The following PRELID2 variants were observed in gnomAD, a reference collection of about 807,000 sequenced individuals.
The protein encoded by PRELID2 is PRELI domain-containing protein 2.
Under a neutral mutation model 28.4 loss-of-function variants are expected in PRELID2, and 25 were observed. That is an observed-to-expected ratio of 0.88 (90% CI 0.64 to 1.23). The LOEUF is 1.23. Ranked by LOEUF, PRELID2 falls within the 50% of genes most tolerant of loss-of-function variation. The pLI is 0.00. For synonymous variants in PRELID2, 76 were observed against 71.6 expected (o/e 1.06, Z -0.31); for missense variants, 201 against 214.4 (o/e 0.94, Z 0.39).
intron 1 of PRELID2, among the ~76,000 whole-genome samples, chr5:145,654,804 C>A (rs888141361): frequency 6.6e-6 from 1 of 152,064 alleles, no homozygotes; most frequent in East Asian, 1.9e-4. Context: ...ACTGAATGGG[C>A]AAAAACTGGA....
downstream of PRELID2, among the ~76,000 whole-genome samples, chr5:145,469,158 C>A (rs1752029742): frequency 6.6e-6 from 1 of 152,062 alleles, no homozygotes; most frequent in African/African-American, 2.4e-5. Context: ...TCAAGTTCAC[C>A]ATTAACATTA....
At chr5:145,349,695 A>G in the PRELID2 span, among the ~76,000 whole-genome samples, 1 of 152,292 alleles carries the variant, frequency 6.6e-6, no homozygotes, top group East Asian at 1.9e-4. Context: ...AATAGCATAC[A>G]TTAAAGACTA....
chr5:145,268,308 T>C, the PRELID2 span, among the ~76,000 whole-genome samples: 1 of 151,058 alleles, frequency 6.6e-6, no homozygotes, highest in Non-Finnish European at 1.5e-5. Flanking sequence ...TTTGCTTTTA[T>C]TTTTCTATAT....
the PRELID2 span, among the ~76,000 whole-genome samples, chr5:145,448,736 T>A: frequency 2.6e-5 from 4 of 152,162 alleles, no homozygotes; most frequent in East Asian, 7.7e-4. Flanking sequence ...AAATCTGTTA[T>A]CTCATCTGTA....
intron 1 of PRELID2, among the ~76,000 whole-genome samples, chr5:145,481,614 C>A (rs1243141728): frequency 1.3e-4 from 1 of 7,716 alleles, no homozygotes; most frequent in African/African-American, 6.6e-4. Context: ...GATAAGAAAG[C>A]AAGGAAATCA....
chr5:145,808,440 C>T (rs1188806646), intron 4 of PRELID2, among the ~76,000 whole-genome samples: 1 of 152,128 alleles, frequency 6.6e-6, no homozygotes, highest in Admixed American at 6.5e-5. Flanking sequence ...GCAAATTATA[C>T]TATTTGTGAT....
At chr5:145,737,489 A>G (rs1411065876) in intron 1 of PRELID2, among the ~76,000 whole-genome samples, 10 of 152,174 alleles carry the variant, frequency 6.6e-5, no homozygotes, top group Non-Finnish European at 2.9e-5. Flanking sequence ...GAAGCTAGGA[A>G]ACTTGGGACC....
chr5:145,809,337 C>T (rs1270505439), intron 4 of PRELID2, among the ~76,000 whole-genome samples: 1 of 152,232 alleles, frequency 6.6e-6, no homozygotes, highest in African/African-American at 2.4e-5. Flanking sequence ...CCACCGTGCC[C>T]GGCCCCTTCA....
chr5:145,732,265 A>G (rs920804294), intron 1 of PRELID2, among the ~76,000 whole-genome samples: 4 of 152,162 alleles, frequency 2.6e-5, no homozygotes, highest in Non-Finnish European at 5.9e-5. Context: ...TCTCCCATCT[A>G]CTTTATCAGA....
intron 1 of PRELID2, among the ~76,000 whole-genome samples, chr5:145,826,770 C>CGATT (rs1755221648): frequency 2.0e-5 from 3 of 151,904 alleles, no homozygotes; most frequent in Admixed American, 2.0e-4. Context: ...AGGCAAGAAA[C>CGATT]TGAATCCATC....
intron 1 of PRELID2, among the ~76,000 whole-genome samples, chr5:145,579,080 C>G (rs1022164669): frequency 3.3e-5 from 5 of 152,010 alleles, no homozygotes; most frequent in Admixed American, 6.6e-5. Flanking sequence ...TACTTGTTCA[C>G]TTGTAAAATA....
chr5:145,630,154 A>C (rs76650286), intron 1 of PRELID2, among the ~76,000 whole-genome samples: 1 of 152,062 alleles, frequency 6.6e-6, no homozygotes, highest in East Asian at 1.9e-4. Context: ...GGATGGATGG[A>C]TGGATGGATG....
At chr5:145,406,156 T>C in the PRELID2 span, among the ~76,000 whole-genome samples, 1 of 152,108 alleles carries the variant, frequency 6.6e-6, no homozygotes, top group Admixed American at 6.6e-5. Context: ...CACTGGGGAT[T>C]AAAATTCAAC....
the PRELID2 span, among the ~76,000 whole-genome samples, chr5:145,294,356 T>C: frequency 6.6e-6 from 1 of 152,308 alleles, no homozygotes; most frequent in East Asian, 1.9e-4. Flanking sequence ...TCTTACTTAC[T>C]GAATCAGAAC....
At chr5:145,275,865 T>A in the PRELID2 span, among the ~76,000 whole-genome samples, 1 of 152,172 alleles carries the variant, frequency 6.6e-6, no homozygotes, top group Non-Finnish European at 1.5e-5. Flanking sequence ...TTAATCTCTC[T>A]GTGTATCATC....
the PRELID2 span, among the ~76,000 whole-genome samples, chr5:145,300,081 A>G: frequency 6.6e-6 from 1 of 152,082 alleles, no homozygotes; most frequent in African/African-American, 2.4e-5. Flanking sequence ...ACATTGTCCC[A>G]TCTTCACTGC....
chr5:145,725,467 C>T lies in PRELID2; in HGVS notation n.70+39464G>A, dbSNP rs888945660. ...CTTCATTAACTTAAATATATGTCTG[C>T]TGTTAAAAAATAAAAAAGTCACTGG... On this transcript the variant is annotated intron_variant and non_coding_transcript_variant, in intron 1 of 2. Coordinates refer to the PRELID2 transcript ENST00000510259. Among the ~76,000 whole-genome samples, 12 of 152,212 alleles carry T rather than the reference C, an allele frequency of 7.9e-5. No homozygotes were observed. The East Asian group carries it at 1.9e-3, about 25-fold the overall frequency.
At chr5:145,817,849 C>A in intron 4 of PRELID2, 45 bp downstream of exon 4, 1 of 1,463,560 alleles carries the variant, frequency 6.8e-7, no homozygotes, top group South Asian at 1.5e-5. Context: ...CTCATGTGTC[C>A]ATCCCTGCAA....
chr5:145,794,228 A>G (rs1357030750), intron 5 of PRELID2, among the ~76,000 whole-genome samples: 1 of 152,180 alleles, frequency 6.6e-6, no homozygotes, highest in Non-Finnish European at 1.5e-5. Context: ...TGAAGAAGGA[A>G]TACCACTTGG....
Sources: gnomAD v4.1 joint callset for allele counts (sites outside exome capture counted in the v4.1 genomes callset) on GRCh38, gnomAD v4.1.1 for gene constraint, MANE v1.5 for transcripts, NCBI Gene and HGNC (gene_info 2026-07-23, HGNC 2026-07-21) for gene names.